DOCK4: variants seen among roughly 807,000 people sequenced by gnomAD.
The protein encoded by DOCK4 is dedicator of cytokinesis 4.
In DOCK4, 97 loss-of-function variants were observed where a neutral mutation model predicts 268.1. The observed-to-expected ratio is 0.36, with a 90% CI of 0.31 to 0.43. The LOEUF is 0.43. Ranked by LOEUF, DOCK4 falls within the 20% of genes least tolerant of loss-of-function variation. DOCK4 has a pLI of 1.00. For synonymous variants in DOCK4, 954 were observed against 887.2 expected, an observed-to-expected ratio of 1.08 and a Z score of -1.34; for missense variants, 2,145 against 2,455.7, an observed-to-expected ratio of 0.87 and a Z score of 2.67.
At chr7:111,912,567 C>A (rs922337161) in intron 13 of DOCK4, among the ~76,000 whole-genome samples, 5 of 151,234 alleles carry the variant, frequency 3.3e-5, no homozygotes, top group African/African-American at 1.2e-4. Context: ...GTAGCTTAGT[C>A]CTATTCTGAG....
In DOCK4 at chr7:111,863,424, G is replaced by A. The variant is rs1454964159; in HGVS notation, c.2421C>T (p.Ile807=). The A allele has an allele frequency of 1.2e-6, 2 of 1,613,934 alleles. No homozygotes were observed. The highest frequency in any genetic ancestry group is 1.7e-6 in the Non-Finnish European group (2 of 1,179,912). ...ILHVDDSLQA[I]KLQCIGKTVE... Reference sequence around the variant, plus strand: ...CGGTTTTGCCAATGCACTGCAGTTTGATGGCCTGCAGGGAATCATCCACAT... The same window carrying A: ...CGGTTTTGCCAATGCACTGCAGTTTAATGGCCTGCAGGGAATCATCCACAT... The change falls in exon 23 of 53, where the codon ATC becomes ATT. Residue 807 remains isoleucine (I), a synonymous_variant. Coordinates refer to ENST00000428084, the MANE Select transcript of DOCK4 (RefSeq NM_001363540.2).
At chr7:111,740,437 G>T (rs1314186299) in intron 47 of DOCK4, among the ~76,000 whole-genome samples, 1 of 149,062 alleles carries the variant, frequency 6.7e-6, no homozygotes, top group Non-Finnish European at 1.5e-5. Flanking sequence ...AAGCCATTTT[G>T]GAATGCTAAG....
At chr7:112,035,805 T>A (rs946959756) in intron 1 of DOCK4, among the ~76,000 whole-genome samples, 1 of 151,848 alleles carries the variant, frequency 6.6e-6, no homozygotes, top group Non-Finnish European at 1.5e-5. Flanking sequence ...AAAAAAGCTC[T>A]CCAGAATAAA....
intron 39 of DOCK4, among the ~76,000 whole-genome samples, chr7:111,760,870 G>A (rs1186538183): frequency 6.6e-6 from 1 of 151,342 alleles, no homozygotes; most frequent in African/African-American, 2.4e-5. Context: ...AGATGGGAAG[G>A]TTTCCAAAAA....
intron 23 of DOCK4, among the ~76,000 whole-genome samples, chr7:111,852,188 T>C (rs1431537992): frequency 6.6e-6 from 1 of 152,084 alleles, no homozygotes; most frequent in Non-Finnish European, 1.5e-5. Context: ...GGTCTTGAAC[T>C]CCTCCGCTCA....
intron 3 of DOCK4, among the ~76,000 whole-genome samples, chr7:112,000,097 T>C (rs1800302631): frequency 6.6e-6 from 1 of 152,126 alleles, no homozygotes; most frequent in Non-Finnish European, 1.5e-5. Context: ...CTAAGTATAC[T>C]TGTTTCTCCA....
chr7:112,149,759 G>A (rs988707890), intron 1 of DOCK4, among the ~76,000 whole-genome samples: 1 of 152,174 alleles, frequency 6.6e-6, no homozygotes, highest in African/African-American at 2.4e-5. Flanking sequence ...ATTGGCAGAG[G>A]AAGCAGCAAT....
At chr7:112,133,507 G>A (rs1229335534) in intron 1 of DOCK4, among the ~76,000 whole-genome samples, 1 of 152,114 alleles carries the variant, frequency 6.6e-6, no homozygotes, top group Non-Finnish European at 1.5e-5. Flanking sequence ...CGAGGCGGGT[G>A]TATCACTTGA....
chr7:111,971,422 C>G (rs1332302367), intron 8 of DOCK4: 1 of 227,754 alleles, frequency 4.4e-6, no homozygotes. Context: ...GACAGTGGTG[C>G]AGGTCTTCCT....
rs1221377792 is a variant in DOCK4, at chr7:111,759,940, GT to G, written c.4162+240del. Among the ~76,000 whole-genome samples, 3 of 152,234 alleles carry G rather than the reference GT, an allele frequency of 2.0e-5. No homozygotes were observed. The East Asian group carries it at 5.8e-4, about 29-fold the overall frequency. Reference sequence around the variant, plus strand: ...AAGGCAGGGTTGAGCTATACAAGAGGTTTAATTAAAAGGGAAAAATTCTTTC... The same window carrying G: ...AAGGCAGGGTTGAGCTATACAAGAGGTTAATTAAAAGGGAAAAATTCTTTC... On this transcript the variant is annotated intron_variant, in intron 40 of 52. Coordinates refer to ENST00000428084, the MANE Select transcript of DOCK4 (RefSeq NM_001363540.2).
intron 16 of DOCK4, among the ~76,000 whole-genome samples, chr7:111,879,247 G>T (rs536765545): frequency 1.1e-4 from 16 of 152,178 alleles, no homozygotes; most frequent in African/African-American, 3.9e-4. Context: ...CTTCCTTGAA[G>T]GGAAGGACTC....
intron 6 of DOCK4, among the ~76,000 whole-genome samples, chr7:111,988,449 T>A (rs933678402): frequency 1.3e-5 from 2 of 152,212 alleles, no homozygotes; most frequent in African/African-American, 4.8e-5. Context: ...TATGGTTTTG[T>A]TTAAAAATAA....
At chr7:111,920,326 T>C (rs1465618465) in intron 12 of DOCK4, among the ~76,000 whole-genome samples, 1 of 152,230 alleles carries the variant, frequency 6.6e-6, no homozygotes, top group Non-Finnish European at 1.5e-5. Context: ...GAGGGTCATA[T>C]GCTAATTAGC....
At chr7:112,150,205 A>G (rs1200309232) in intron 1 of DOCK4, among the ~76,000 whole-genome samples, 1 of 151,802 alleles carries the variant, frequency 6.6e-6, no homozygotes, top group African/African-American at 2.4e-5. Context: ...TAAGACCCCA[A>G]CTCTACCTTT....
chr7:111,880,660 G>T (rs1023457366), intron 16 of DOCK4, among the ~76,000 whole-genome samples: 1 of 152,104 alleles, frequency 6.6e-6, no homozygotes, highest in African/African-American at 2.4e-5. Flanking sequence ...ATCACATTAC[G>T]TTACTTTGAA....
Position 111,900,392 on chromosome 7 carries a change from C to T in DOCK4, c.1462G>A (p.Glu488Lys). 6.2e-7 allele frequency: 1 copy of T among 1,613,164 alleles called. No homozygotes were observed. Among genetic ancestry groups the T allele is most frequent in the Non-Finnish European group, 8.5e-7 (1 of 1,179,598 alleles). The change falls in exon 15 of 53, where the codon GAG becomes AAG. Residue 488 changes from glutamate to lysine, a missense_variant. By Grantham distance (56) the Glu-to-Lys change is moderately conservative. This residue lies in a region of DOCK4 where 1,598 missense variants were observed against 1,986.7 expected (regional missense o/e 0.80). Coordinates refer to ENST00000428084, the MANE Select transcript of DOCK4 (RefSeq NM_001363540.2). ...CACTTACTGGAACAATGCCGAAACT[C>T]GAAGCGGATGTGTGCACCCCGGAAT... ...DKFRGAHIRF[E>K]FRHCSTKEKG...
intron 1 of DOCK4, among the ~76,000 whole-genome samples, chr7:112,135,559 C>T (rs1020628079): frequency 2.0e-5 from 3 of 152,070 alleles, no homozygotes; most frequent in Non-Finnish European, 4.4e-5. Flanking sequence ...CTTTAATCAA[C>T]AGAAAGCCAT....
At chr7:111,829,688 T>C (rs111972954) in intron 26 of DOCK4, among the ~76,000 whole-genome samples, 1,587 of 152,310 alleles carry the variant, frequency 0.01, 31 homozygotes, top group African/African-American at 0.036. Flanking sequence ...ATGGGATCCT[T>C]TTAAGGATTA....
intron 32 of DOCK4, 115 bp from the exon 33 acceptor site, chr7:111,784,238 G>C (rs1249823997): frequency 4.8e-6 from 6 of 1,238,232 alleles, no homozygotes; most frequent in Non-Finnish European, 6.8e-6. Context: ...ACAGCTCAAA[G>C]ACATTTTTTC....
Sources: allele counts gnomAD v4.1 joint callset (sites outside exome capture counted in the v4.1 genomes callset), GRCh38; gene constraint gnomAD v4.1.1; regional missense constraint gnomAD v4.1.1; transcripts MANE v1.5; gene names NCBI Gene and HGNC (gene_info 2026-07-23, HGNC 2026-07-21).